The following CLTC variants were observed in gnomAD, a reference collection of about 807,000 sequenced individuals.
CLTC encodes clathrin heavy chain.
CLTC carries 16 observed loss-of-function variants against 195.8 expected under a neutral mutation model. That is an observed-to-expected ratio of 0.08 (90% CI 0.06 to 0.12). The LOEUF is 0.12. Among genes scored for constraint, CLTC ranks in the 10% least tolerant of loss-of-function variants. CLTC has a pLI of 1.00. For synonymous variants in CLTC, 667 were observed against 689.4 expected (o/e 0.97, Z 0.51); for missense variants, 796 against 2,027.0 (o/e 0.39, Z 11.66).
intron 14 of CLTC, among the ~76,000 whole-genome samples, chr17:59,670,185 C>T (rs2032815211): frequency 6.6e-6 from 1 of 151,890 alleles, no homozygotes; most frequent in African/African-American, 2.4e-5. Flanking sequence ...TACTGATTCA[C>T]TTCCTTCTTT....
chr17:59,670,560 T>G (rs2032826686), intron 14 of CLTC, among the ~76,000 whole-genome samples: 1 of 152,080 alleles, frequency 6.6e-6, no homozygotes, highest in Non-Finnish European at 1.5e-5. Context: ...TCTGTTCCTG[T>G]GTTAATACTA....
At chr17:59,687,148 C>T (rs1333156581) in intron 30 of CLTC, 1 of 280,200 alleles carries the variant, frequency 3.6e-6, no homozygotes, top group East Asian at 1.7e-4. Flanking sequence ...TCACTAAAGC[C>T]TCTGCAAGTC....
intron 31 of CLTC, 197 bp downstream of exon 31, chr17:59,690,908 C>T (rs2033282039): frequency 4.8e-6 from 2 of 420,412 alleles, no homozygotes; most frequent in East Asian, 3.6e-5. Flanking sequence ...ATCTTAAATA[C>T]AAGAAAACTC....
intron 2 of CLTC, among the ~76,000 whole-genome samples, chr17:59,645,561 TAGA>T (rs1385188068): frequency 6.6e-6 from 1 of 152,238 alleles, no homozygotes; most frequent in African/African-American, 2.4e-5. Context: ...TTCATTTTGA[TAGA>T]AGAAAGAAGA....
At chr17:59,622,849 C>G (rs915816666) in intron 1 of CLTC, among the ~76,000 whole-genome samples, 1 of 152,130 alleles carries the variant, frequency 6.6e-6, no homozygotes, top group Non-Finnish European at 1.5e-5. Context: ...TATTTTTATA[C>G]CCTTTAACTA....
chr17:59,648,461 A>G lies in CLTC; in HGVS notation c.681+60A>G. 7.0e-7 allele frequency: 1 copy of G among 1,428,400 alleles called. No homozygotes were observed. The highest frequency in any genetic ancestry group is 2.3e-5 in the East Asian group (1 of 43,348). The allele number at this position is 1,428,400 out of a possible 1,614,324, so 88.5% of individuals were successfully genotyped here. Reference sequence around the variant, plus strand: ...ACTTGTATTTGGCTTTCTGCTATGAATTAGTCATCTAATTTCAAAATAGCC... The same window carrying G: ...ACTTGTATTTGGCTTTCTGCTATGAGTTAGTCATCTAATTTCAAAATAGCC... On this transcript the variant is annotated intron_variant, in intron 4 of 31. Transcript: ENST00000269122. This position sits in a 1 kb window ranked among gnomAD's most constrained non-coding sequence, Gnocchi z 4.5.
rs1567969705 is a variant in CLTC at position 59,681,881 on chromosome 17, TTAAGC to T, written c.3442+48_3442+52del. 8 of 1,516,718 alleles carry T rather than the reference TTAAGC, an allele frequency of 5.3e-6. No individual in the cohort carries two copies. The highest frequency in any genetic ancestry group is 5.4e-6 in the Non-Finnish European group (6 of 1,114,702). The allele number at this position is 1,516,718 out of a possible 1,614,324, so 94.0% of individuals were successfully genotyped here. On this transcript the variant is annotated intron_variant, in intron 21 of 31. Coordinates refer to ENST00000269122, the MANE Select transcript of CLTC (RefSeq NM_004859.4). The surrounding 1 kb of genome is among the most constrained non-coding windows in gnomAD (Gnocchi z 5.0). ...TATGTATTGAAACCTCATAAAATGATTAAGCTAAGCATTAAGATATCTGTCTATTC... is the reference window on the plus strand; with the variant it reads ...TATGTATTGAAACCTCATAAAATGATTAAGCATTAAGATATCTGTCTATTC...
At position 59,686,386 on chromosome 17, in the gene CLTC, C is replaced by T. The variant is rs34779335; in HGVS notation, c.4827+578C>T. Among the ~76,000 whole-genome samples, 353 of 151,958 alleles carry T rather than the reference C, an allele frequency of 2.3e-3. 3 individuals are homozygous for T. The Middle Eastern group carries it at 0.027, about 12-fold the overall frequency. On this transcript the variant is annotated intron_variant, in intron 30 of 31. Coordinates refer to ENST00000269122, the MANE Select transcript of CLTC (RefSeq NM_004859.4). ...TTTTTTGATGTATGAATTTACTCACCCTATCTTCAGCAGTTACTAGCTGTC... is the reference window on the plus strand; with the variant it reads ...TTTTTTGATGTATGAATTTACTCACTCTATCTTCAGCAGTTACTAGCTGTC...
chr17:59,646,828 A>G (rs1263785639), intron 2 of CLTC, among the ~76,000 whole-genome samples: 1 of 152,038 alleles, frequency 6.6e-6, no homozygotes, highest in Non-Finnish European at 1.5e-5. Context: ...CAGCACCTCT[A>G]CCTTCCCTTT....
chr17:59,686,382 T>C (rs2033184829), intron 30 of CLTC, among the ~76,000 whole-genome samples: 1 of 152,206 alleles, frequency 6.6e-6, no homozygotes, highest in South Asian at 2.1e-4. Context: ...ATGAATTTAC[T>C]CACCCTATCT....
rs1476627854 is a variant in CLTC at position 59,648,860 on chromosome 17, TA to T, written c.681+462del. The stretch of plus-strand genomic sequence containing the variant: ...ACAGGCATGTGCCACCATGCCTGGC[TA>T]AATTTTGTATTTTTGTAGAGACAGG... On this transcript the variant is annotated intron_variant, in intron 4 of 31. Coordinates refer to ENST00000269122, the MANE Select transcript of CLTC (RefSeq NM_004859.4). This position sits in a 1 kb window ranked among gnomAD's most constrained non-coding sequence, Gnocchi z 4.5. 3.9e-5 allele frequency among the ~76,000 whole-genome samples: 6 copies of T among 152,164 alleles called. No homozygotes were observed. Among genetic ancestry groups the T allele is most frequent in the Non-Finnish European group, 8.8e-5 (6 of 68,006 alleles).
intron 1 of CLTC, among the ~76,000 whole-genome samples, chr17:59,620,596 CTCA>C (rs2031339780): frequency 6.9e-6 from 1 of 144,878 alleles, no homozygotes; most frequent in Admixed American, 7.0e-5. Flanking sequence ...TCCTCTTTCC[CTCA>C]TCGTGTCTGC....
intron 1 of CLTC, among the ~76,000 whole-genome samples, chr17:59,624,116 G>A (rs1344198432): frequency 1.3e-5 from 2 of 152,172 alleles, no homozygotes; most frequent in African/African-American, 2.4e-5. Flanking sequence ...CTTATTATGT[G>A]CTGTAAATTT....
rs767405292 is a variant in CLTC, at chr17:59,666,078, A to T, written c.1645-25A>T. On this transcript the variant is annotated intron_variant, in intron 10 of 31. Transcript: ENST00000269122. The surrounding 1 kb of genome is among the most constrained non-coding windows in gnomAD (Gnocchi z 4.9). ...ATACTCTCCATAGTATCTTAAAACA[A>T]TTTCTTTTAAATCTTTTTTTGTAGA... is the stretch of plus-strand genomic sequence containing the variant. 1.1e-4 allele frequency: 172 copies of T among 1,565,554 alleles called. No homozygotes were observed. Among genetic ancestry groups the T allele is most frequent in the Non-Finnish European group, 1.5e-4 (166 of 1,139,942 alleles).
intron 1 of CLTC, among the ~76,000 whole-genome samples, chr17:59,643,976 A>G (rs561251558): frequency 2.0e-5 from 3 of 152,338 alleles, no homozygotes; most frequent in South Asian, 2.1e-4. Flanking sequence ...AAATAAATCA[A>G]GAAACTCAAT....
chr17:59,685,027 T>G lies in CLTC; in HGVS notation c.4435-29T>G, dbSNP rs1338585797. 6.7e-7 allele frequency: 1 copy of G among 1,481,920 alleles called. No homozygotes were observed. Among genetic ancestry groups the G allele is most frequent in the South Asian group, 1.4e-5 (1 of 72,188 alleles). 91.8% of individuals were successfully genotyped at this position (1,481,920 alleles called of 1,614,324 possible). On this transcript the variant is annotated intron_variant, in intron 28 of 31. Coordinates refer to ENST00000269122, the MANE Select transcript of CLTC (RefSeq NM_004859.4). This position sits in a 1 kb window ranked among gnomAD's most constrained non-coding sequence, Gnocchi z 5.0. Reference sequence around the variant, plus strand: ...TATAATGTTAAACAAAATACTGATCTGGCATTTGGATGGCTTTTTTTTTTT... The same window carrying G: ...TATAATGTTAAACAAAATACTGATCGGGCATTTGGATGGCTTTTTTTTTTT...
In CLTC at chr17:59,627,544, TTATATC is replaced by T. The variant is rs571561302; in HGVS notation, c.42+7375_42+7380del. ...GAATTGCAAAATGTACCACAATTGT[TTATATC>T]TATGCTGTGATGTTCTTTGATTCTA... On this transcript the variant is annotated intron_variant, in intron 1 of 31. Coordinates refer to ENST00000269122, the MANE Select transcript of CLTC (RefSeq NM_004859.4). 1.8e-4 allele frequency among the ~76,000 whole-genome samples: 28 copies of T among 152,344 alleles called. No individual in the cohort carries two copies. In the South Asian group the frequency reaches 5.8e-3, roughly 32 times the overall value.
At chr17:59,692,146 A>G (rs558852972) in intron 31 of CLTC, among the ~76,000 whole-genome samples, 18 of 152,218 alleles carry the variant, frequency 1.2e-4, no homozygotes, top group South Asian at 8.3e-4. Context: ...GTGAAACCCC[A>G]TCTCTACTAA....
chr17:59,624,945 C>T (rs889599066), intron 1 of CLTC, among the ~76,000 whole-genome samples: 1 of 152,138 alleles, frequency 6.6e-6, no homozygotes, highest in African/African-American at 2.4e-5. Flanking sequence ...GCTGGGATTA[C>T]AGGCGTGAGT....
Sources: gnomAD v4.1 joint callset for allele counts (sites outside exome capture counted in the v4.1 genomes callset) on GRCh38, gnomAD v4.1.1 for gene constraint, Gnocchi (gnomAD v3.1) non-coding constraint, MANE v1.5 for transcripts, NCBI Gene and HGNC (gene_info 2026-07-23, HGNC 2026-07-21) for gene names.